Variants in AKAP6 observed in about 807,000 individuals in gnomAD.
AKAP6 encodes the protein A-kinase anchoring protein 6, also known as A-kinase anchor protein 6.
A neutral mutation model predicts 188.5 loss-of-function variants in AKAP6; 58 were observed. The observed-to-expected ratio is 0.31, with a 90% CI of 0.25 to 0.38. The LOEUF (loss-of-function observed/expected upper bound fraction) is 0.38. Ranked by LOEUF, AKAP6 falls within the 10% of genes least tolerant of loss-of-function variation. The pLI is 1.00. For missense variants in AKAP6, 2,710 were observed against 2,740.0 expected, an observed-to-expected ratio of 0.99 and a Z score of 0.24; for synonymous variants, 989 against 998.6, an observed-to-expected ratio of 0.99 and a Z score of 0.18.
intron 2 of AKAP6, among the ~76,000 whole-genome samples, chr14:32,436,382 T>TA (rs1890377467): frequency 6.6e-6 from 1 of 152,164 alleles, no homozygotes; most frequent in South Asian, 2.1e-4. Context: ...CTCCCAATCT[T>TA]ACCAGTTTCA....
chr14:32,754,430 A>G (rs2032256965), intron 11 of AKAP6, among the ~76,000 whole-genome samples: 1 of 152,154 alleles, frequency 6.6e-6, no homozygotes, highest in Non-Finnish European at 1.5e-5. Flanking sequence ...CACAATTCAC[A>G]TATCTTACAT....
chr14:32,806,383 A>C (rs994149247), intron 12 of AKAP6, among the ~76,000 whole-genome samples: 1 of 152,178 alleles, frequency 6.6e-6, no homozygotes, highest in Non-Finnish European at 1.5e-5. Context: ...CTATGTAATA[A>C]ATATTCAGTG....
At chr14:32,597,605 A>G (rs1433660849) in intron 5 of AKAP6, among the ~76,000 whole-genome samples, 1 of 152,192 alleles carries the variant, frequency 6.6e-6, no homozygotes, top group East Asian at 1.9e-4. Flanking sequence ...ATACATTGCC[A>G]TATTTTATTT....
chr14:32,579,582 A>T (rs1435063354), intron 5 of AKAP6, among the ~76,000 whole-genome samples: 1 of 152,110 alleles, frequency 6.6e-6, no homozygotes, highest in East Asian at 1.9e-4. Context: ...TGATATTCTT[A>T]AAGCGCAATC....
At chr14:32,745,485 C>G (rs1006831023) in intron 11 of AKAP6, among the ~76,000 whole-genome samples, 12 of 144,396 alleles carry the variant, frequency 8.3e-5, no homozygotes, top group Middle Eastern at 3.7e-3. Flanking sequence ...CTCTCTCTCT[C>G]TCTCTCTCTC....
chr14:32,450,539 C>T (rs2138773803), intron 2 of AKAP6, among the ~76,000 whole-genome samples: 1 of 152,246 alleles, frequency 6.6e-6, no homozygotes, highest in Admixed American at 6.5e-5. Flanking sequence ...AAGTTTGACT[C>T]TCCATTGTAC....
At position 32,535,536 on chromosome 14, in the gene AKAP6, T is replaced by G. The variant is rs369712736; in HGVS notation, c.325-18T>G. 5.1e-5 allele frequency: 82 copies of G among 1,606,478 alleles called. No individual in the cohort carries two copies. The highest frequency in any genetic ancestry group is 6.6e-5 in the Non-Finnish European group (78 of 1,174,684). ...AAGGCAAAGTAGTCCTCACATATGT[T>G]GCTTTTCTTTACTGCAGGACATTTG... On this transcript the variant is annotated intron_variant, in intron 2 of 13. Coordinates refer to ENST00000280979, the MANE Select transcript of AKAP6 (RefSeq NM_004274.5).
At chr14:32,602,346 T>A (rs561503176) in intron 7 of AKAP6, among the ~76,000 whole-genome samples, 2 of 152,166 alleles carry the variant, frequency 1.3e-5, no homozygotes, top group South Asian at 2.1e-4. Context: ...AAGTGAAAGA[T>A]GAGCCAGGCA....
chr14:32,431,534 T>C (rs1326583868), intron 1 of AKAP6, among the ~76,000 whole-genome samples: 1 of 152,210 alleles, frequency 6.6e-6, no homozygotes, highest in African/African-American at 2.4e-5. Context: ...TGAGACGTAG[T>C]TTCACTCTTG....
At chr14:32,524,894 G>T (rs1164077669) in intron 2 of AKAP6, among the ~76,000 whole-genome samples, 1 of 152,142 alleles carries the variant, frequency 6.6e-6, no homozygotes, top group Admixed American at 6.5e-5. Context: ...GAAAATGCAG[G>T]TTCTTTGGCC....
intron 2 of AKAP6, among the ~76,000 whole-genome samples, chr14:32,489,466 C>G (rs1879882711): frequency 6.6e-6 from 1 of 152,174 alleles, no homozygotes; most frequent in African/African-American, 2.4e-5. Flanking sequence ...CAATCAGTCT[C>G]TCAAAGTGCT....
At chr14:32,517,934 A>G (rs1485614718) in intron 2 of AKAP6, among the ~76,000 whole-genome samples, 2 of 152,198 alleles carry the variant, frequency 1.3e-5, no homozygotes, top group Admixed American at 6.5e-5. Flanking sequence ...CCTAACTGGG[A>G]GACACGTCCC....
intron 1 of AKAP6, among the ~76,000 whole-genome samples, chr14:32,393,665 A>G (rs1888783196): frequency 6.6e-6 from 1 of 152,176 alleles, no homozygotes; most frequent in Admixed American, 6.6e-5. Context: ...TTTGTAACTC[A>G]AAATGAAAAG....
chr14:32,438,227 A>T (rs1342089689), intron 2 of AKAP6, among the ~76,000 whole-genome samples: 1 of 152,194 alleles, frequency 6.6e-6, no homozygotes, highest in East Asian at 1.9e-4. Flanking sequence ...GTGGTTCAGA[A>T]ATCTGGGGGA....
chr14:32,706,089 A>G (rs921685329), intron 9 of AKAP6, among the ~76,000 whole-genome samples: 4 of 152,158 alleles, frequency 2.6e-5, no homozygotes, highest in Admixed American at 6.6e-5. Context: ...CTACCACAAG[A>G]ACTAAGTAAG....
At chr14:32,492,855 AT>A (rs1880110341) in intron 2 of AKAP6, among the ~76,000 whole-genome samples, 1 of 152,226 alleles carries the variant, frequency 6.6e-6, no homozygotes, top group African/African-American at 2.4e-5. Flanking sequence ...GGATATTCAA[AT>A]AATTTAAAGG....
At chr14:32,576,933 T>A (rs1203372049) in intron 4 of AKAP6, among the ~76,000 whole-genome samples, 187 bp from the exon 5 acceptor site, 3 of 152,166 alleles carry the variant, frequency 2.0e-5, no homozygotes, top group Admixed American at 2.0e-4. Flanking sequence ...TTTCCCATTT[T>A]GGTAAGAGTT....
At chr14:32,478,891 C>A (rs545297379) in intron 2 of AKAP6, among the ~76,000 whole-genome samples, 2 of 152,188 alleles carry the variant, frequency 1.3e-5, no homozygotes, top group African/African-American at 2.4e-5. Context: ...CTGTGTCCCC[C>A]CTTTGACTCA....
intron 1 of AKAP6, among the ~76,000 whole-genome samples, chr14:32,408,596 G>A (rs1338866508): frequency 1.3e-5 from 2 of 151,260 alleles, no homozygotes; most frequent in Non-Finnish European, 2.9e-5. Flanking sequence ...GAGAGCTCAG[G>A]TATCAGCTGT....
Sources: allele counts gnomAD v4.1 joint callset (sites outside exome capture counted in the v4.1 genomes callset), GRCh38; gene constraint gnomAD v4.1.1; transcripts MANE v1.5; gene names NCBI Gene and HGNC (gene_info 2026-07-23, HGNC 2026-07-21).